The following SLC25A15 variants were observed in gnomAD, a reference collection of about 807,000 sequenced individuals.
SLC25A15 encodes mitochondrial ornithine transporter 1.
In SLC25A15, 24 loss-of-function variants were observed where a neutral mutation model predicts 32.3. That is an observed-to-expected ratio of 0.74 (90% CI 0.54 to 1.04). The LOEUF is 1.04. Ranked by LOEUF, SLC25A15 falls within the 50% of genes least tolerant of loss-of-function variation. The probability of loss-of-function intolerance (pLI) is 0.00; values close to 1 mark genes in which losing one functional copy is unlikely to be tolerated. For missense variants in SLC25A15, 317 were observed against 374.5 expected (o/e 0.85, Z 1.27); for synonymous variants, 132 against 142.1 (o/e 0.93, Z 0.51).
At chr13:40,798,021 A>G (rs1881726947) in intron 2 of SLC25A15, among the ~76,000 whole-genome samples, 1 of 152,134 alleles carries the variant, frequency 6.6e-6, no homozygotes, top group Admixed American at 6.5e-5. Flanking sequence ...ATGGTGGCTT[A>G]TGCCTCCCAG....
In SLC25A15 at chr13:40,808,460, T is replaced by G; in HGVS notation, c.645T>G (p.Ser215Arg). The change falls in exon 6 of 7, where the codon AGT (serine) becomes AGG (arginine). Residue 215 changes from serine to arginine, a missense_variant. Ser to Arg is a moderately radical substitution (Grantham distance 110). Transcript: ENST00000338625. ...TAGGCCCTGTACCTTTGATGTTAAG[T>G]GGTGGAGTTGGTGGGATTTGCCTCT... ...DELGPVPLML[S>R]GGVGGICLWL... is the part of the protein sequence containing the mutation. The G allele has an allele frequency of 9.3e-6, 15 of 1,613,262 alleles. No individual in the cohort carries two copies. The highest frequency in any genetic ancestry group is 1.3e-5 in the Non-Finnish European group (15 of 1,179,846).
chr13:40,809,021 C>A lies in SLC25A15; in HGVS notation c.781+425C>A, dbSNP rs1882328526. ...ACAGTAACACAGAAACTTTGTGTCC[C>A]AAATAGAGGACAGATACCTTGTCTG... On this transcript the variant is annotated intron_variant, in intron 6 of 6. Transcript: ENST00000338625. Among the ~76,000 whole-genome samples, 5 of 151,418 alleles carry A rather than the reference C, an allele frequency of 3.3e-5. No homozygotes were observed. In the South Asian group the frequency reaches 1.0e-3, roughly 32 times the overall value.
chr13:40,797,659 T>C (rs530700273), intron 2 of SLC25A15, among the ~76,000 whole-genome samples: 6 of 152,062 alleles, frequency 3.9e-5, no homozygotes, highest in Non-Finnish European at 5.9e-5. Flanking sequence ...AAAAAAGAGA[T>C]CAAGCAGTTT....
intron 3 of SLC25A15, chr13:40,802,241 G>A (rs1305600344): frequency 6.6e-6 from 1 of 152,260 alleles, no homozygotes; most frequent in Non-Finnish European, 1.5e-5. Context: ...AAGGAGTGAA[G>A]TGGGGGAAAG....
chr13:40,797,410 A>G (rs1881701794), intron 2 of SLC25A15, among the ~76,000 whole-genome samples: 1 of 152,132 alleles, frequency 6.6e-6, no homozygotes, highest in South Asian at 2.1e-4. Flanking sequence ...ACATTCTGTC[A>G]CCTTTTCTCT....
rs1205763015 is a variant in SLC25A15 at position 40,807,353 on chromosome 13, A to G, written c.512A>G (p.His171Arg). ...LRKDGPLGFY[H>R]GLSSTLLREV... ...AAAGATGGCCCCTTGGGGTTCTACC[A>G]TGGACTCTCAAGCACTTTACTTCGA... Residue 171 changes from histidine to arginine, a missense_variant, in exon 5 of 7, where the codon CAT (histidine) becomes CGT (arginine). Coordinates refer to ENST00000338625, the MANE Select transcript of SLC25A15 (RefSeq NM_014252.4). 3.1e-6 allele frequency: 5 copies of G among 1,613,986 alleles called. No homozygotes were observed. Among genetic ancestry groups the G allele is most frequent in the Admixed American group, 1.7e-5 (1 of 59,998 alleles).
Position 40,799,249 on chromosome 13 carries a change from T to C in SLC25A15, c.248T>C (p.Met83Thr), listed in dbSNP as rs192897984. 82 of 1,614,222 alleles carry C rather than the reference T, an allele frequency of 5.1e-5. No individual in the cohort carries two copies. In the Middle Eastern group the frequency reaches 6.6e-4, roughly 13 times the overall value. The change falls in exon 3 of 7, where the codon ATG (methionine) becomes ACG (threonine). Residue 83 changes from methionine to threonine, a missense_variant. Physicochemically the swap from Met to Thr is moderately conservative, Grantham distance 81. Transcript: ENST00000338625. ...ANIAENSVLFMCYGFCQQVVR... is the reference protein window; with the variant it reads ...ANIAENSVLFTCYGFCQQVVR... ...ATCGCTGAGAACTCAGTCCTCTTCA[T>C]GTGCTACGGCTTCTGCCAGCAGGTG... is the stretch of plus-strand genomic sequence containing the variant.
Position 40,810,677 on chromosome 13 carries a change from AG to A in SLC25A15, c.*1014del. The A allele has an allele frequency of 3.9e-6, 2 of 514,822 alleles. No individual in the cohort carries two copies. Among genetic ancestry groups the A allele is most frequent in the Middle Eastern group, 9.8e-4 (2 of 2,032 alleles). 31.9% of individuals were successfully genotyped at this position (514,822 alleles called of 1,614,324 possible). A position where few individuals can be genotyped will look rare whatever the true frequency, so the allele number is the denominator to read the frequency against. On this transcript the variant is annotated 3_prime_UTR_variant, in exon 7 of 7. Coordinates refer to ENST00000338625, the MANE Select transcript of SLC25A15 (RefSeq NM_014252.4). ...CATATTCCACGCTGACTATATTGCT[AG>A]GGGTGGCCCAGAGGGTCAGGCCTTT...
intron 6 of SLC25A15, 105 bp from the exon 7 acceptor site, chr13:40,809,438 C>A: frequency 1.4e-6 from 2 of 1,417,426 alleles, no homozygotes; most frequent in East Asian, 2.3e-5. Context: ...GTTTTTAGCA[C>A]TGTTGTCTGG....
At chr13:40,790,413 C>T (rs1881438677) in intron 1 of SLC25A15, among the ~76,000 whole-genome samples, 1 of 152,216 alleles carries the variant, frequency 6.6e-6, no homozygotes, top group South Asian at 2.1e-4. Flanking sequence ...ACAGCAAGCT[C>T]ATAAATCAAT....
In SLC25A15 at chr13:40,796,330, A is replaced by C. The variant is rs1881669611; in HGVS notation, c.56-2727A>C. Among the ~76,000 whole-genome samples the C allele has an allele frequency of 2.6e-5, 4 of 152,170 alleles. No individual in the cohort carries two copies. In the South Asian group the frequency reaches 8.3e-4, roughly 31 times the overall value. On this transcript the variant is annotated intron_variant, in intron 2 of 6. Transcript: ENST00000338625. ...TCTGCAATGGCTGTAAGACATCTAGATCCCTAAACAGCTAGGATAAAGGAG... is the reference window on the plus strand; with the variant it reads ...TCTGCAATGGCTGTAAGACATCTAGCTCCCTAAACAGCTAGGATAAAGGAG...
chr13:40,800,858 A>G (rs1881856219), intron 3 of SLC25A15, among the ~76,000 whole-genome samples: 1 of 152,202 alleles, frequency 6.6e-6, no homozygotes, highest in African/African-American at 2.4e-5. Flanking sequence ...AGGGTTGGGA[A>G]ATTACGTCAC....
rs192591561 is a variant in SLC25A15 at position 40,790,931 on chromosome 13, G to T, written c.-70+1268G>T. 3.4e-4 allele frequency among the ~76,000 whole-genome samples: 51 copies of T among 152,196 alleles called. No homozygotes were observed. In the East Asian group the frequency reaches 7.7e-3, roughly 23 times the overall value. ...GTTTAAGTTTGGCTCACCTAACAGGGTTTAATTCTTAGGGACAGATAGAAT... is the reference window on the plus strand; with the variant it reads ...GTTTAAGTTTGGCTCACCTAACAGGTTTTAATTCTTAGGGACAGATAGAAT... On this transcript the variant is annotated intron_variant, in intron 1 of 6. Transcript: ENST00000338625.
rs141028076 is a variant in SLC25A15 at position 40,807,405 on chromosome 13, C to G, written c.564C>G (p.Phe188Leu). 7 of 1,614,178 alleles carry G rather than the reference C, an allele frequency of 4.3e-6. No individual in the cohort carries two copies. The South Asian group carries it at 7.7e-5, about 18-fold the overall frequency. ...AAGTACCAGGCTATTTCTTCTTCTTCGGTGGCTATGAACTGAGCCGGTCCT... is the reference window on the plus strand; with the variant it reads ...AAGTACCAGGCTATTTCTTCTTCTTGGGTGGCTATGAACTGAGCCGGTCCT... ...LREVPGYFFF[F>L]GGYELSRSFF... Residue 188 changes from phenylalanine to leucine, a missense_variant, in exon 5 of 7, where the codon TTC becomes TTG. Coordinates refer to ENST00000338625, the MANE Select transcript of SLC25A15 (RefSeq NM_014252.4).
chr13:40,792,260 T>A (rs912572059), intron 1 of SLC25A15, among the ~76,000 whole-genome samples: 1 of 152,212 alleles, frequency 6.6e-6, no homozygotes, highest in African/African-American at 2.4e-5. Flanking sequence ...TGCTCCAGGT[T>A]ATCAAGTGGA....
intron 3 of SLC25A15, 142 bp downstream of exon 3, chr13:40,799,457 C>A: frequency 2.1e-6 from 2 of 964,074 alleles, no homozygotes; most frequent in Non-Finnish European, 3.2e-6. Context: ...TCAAAACCAG[C>A]CTGGGCAACA....
chr13:40,794,717 C>T (rs545520686), intron 2 of SLC25A15, among the ~76,000 whole-genome samples: 1 of 152,290 alleles, frequency 6.6e-6, no homozygotes, highest in Admixed American at 6.5e-5. Flanking sequence ...GCAGGATTCT[C>T]ATAGTAGTTG....
Position 40,808,491 on chromosome 13 carries a change from G to A in SLC25A15, c.676G>A (p.Ala226Thr). Reference sequence around the variant, plus strand: ...AGTTGGTGGGATTTGCCTCTGGCTTGCGGTATACCCAGTGGATTGTATCAA... The same window carrying A: ...AGTTGGTGGGATTTGCCTCTGGCTTACGGTATACCCAGTGGATTGTATCAA... ...GGVGGICLWL[A>T]VYPVDCIKSR... The change falls in exon 6 of 7, where the codon GCG becomes ACG. Residue 226 changes from alanine to threonine, a missense_variant. Ala to Thr is a moderately conservative substitution (Grantham distance 58). Transcript: ENST00000338625. 6.2e-7 allele frequency: 1 copy of A among 1,613,380 alleles called. No homozygotes were observed. The highest frequency in any genetic ancestry group is 1.1e-5 in the South Asian group (1 of 91,066).
At chr13:40,801,651 T>C (rs1881894850) in intron 3 of SLC25A15, among the ~76,000 whole-genome samples, 1 of 152,220 alleles carries the variant, frequency 6.6e-6, no homozygotes, top group Non-Finnish European at 1.5e-5. Flanking sequence ...AAAGAACTGC[T>C]TGTGAGAGCC....
Sources: allele counts gnomAD v4.1 joint callset (sites outside exome capture counted in the v4.1 genomes callset), GRCh38; gene constraint gnomAD v4.1.1; transcripts MANE v1.5; gene names NCBI Gene and HGNC (gene_info 2026-07-23, HGNC 2026-07-21).